GSTCD: variants seen among roughly 807,000 people sequenced by gnomAD.
GSTCD encodes the protein glutathione S-transferase C-terminal domain-containing protein.
In GSTCD, 44 loss-of-function variants were observed where a neutral mutation model predicts 68.3. The observed-to-expected ratio is 0.64, with a 90% CI of 0.51 to 0.83. The LOEUF (loss-of-function observed/expected upper bound fraction) is 0.83, where lower values mean the gene tolerates loss of function less well. Among genes scored for constraint, GSTCD ranks in the 40% least tolerant of loss-of-function variants. The pLI is 0.00. For missense variants in GSTCD, 739 were observed against 735.9 expected, an observed-to-expected ratio of 1.00 and a Z score of -0.05; for synonymous variants, 273 against 255.2, an observed-to-expected ratio of 1.07 and a Z score of -0.67.
chr4:105,822,929 G>C (rs553824300), intron 5 of GSTCD, 25 bp from the exon 6 acceptor site: 15 of 1,533,300 alleles, frequency 9.8e-6, no homozygotes, highest in Admixed American at 1.7e-5. Flanking sequence ...AATGTTTTGT[G>C]TTCTTCATTT....
At position 105,809,432 on chromosome 4, in the gene GSTCD, T is replaced by A. The variant is rs985258997; in HGVS notation, c.1241-13522T>A. Among the ~76,000 whole-genome samples the A allele has an allele frequency of 3.9e-5, 6 of 152,234 alleles. No individual in the cohort carries two copies. The East Asian group carries it at 1.2e-3, about 29-fold the overall frequency. On this transcript the variant is annotated intron_variant, in intron 5 of 11. Coordinates refer to ENST00000515279, the MANE Select transcript of GSTCD (RefSeq NM_001370181.1). ...CTTCCCCTAGATAATCCATACACCTTACTCTCTCACTTTATTCAGATCTCA... is the reference window on the plus strand; with the variant it reads ...CTTCCCCTAGATAATCCATACACCTAACTCTCTCACTTTATTCAGATCTCA...
chr4:105,730,870 T>C (rs549107048), intron 5 of GSTCD, among the ~76,000 whole-genome samples: 92 of 152,286 alleles, frequency 6.0e-4, no homozygotes, highest in African/African-American at 2.1e-3. Flanking sequence ...GTTTTTATGG[T>C]TTTAGGTCTA....
chr4:105,824,887 G>A (rs895754575), intron 7 of GSTCD, among the ~76,000 whole-genome samples: 2 of 151,972 alleles, frequency 1.3e-5, no homozygotes, highest in Admixed American at 6.6e-5. Flanking sequence ...GGGCCTTCAT[G>A]TGTTTCTCTC....
At chr4:105,785,082 T>G (rs1400203405) in intron 5 of GSTCD, among the ~76,000 whole-genome samples, 1 of 152,218 alleles carries the variant, frequency 6.6e-6, no homozygotes, top group African/African-American at 2.4e-5. Context: ...TTGTGTGTAA[T>G]CAGATCAAAC....
At chr4:105,828,831 A>T (rs965868139) in intron 8 of GSTCD, among the ~76,000 whole-genome samples, 4 of 152,184 alleles carry the variant, frequency 2.6e-5, no homozygotes, top group Non-Finnish European at 4.4e-5. Context: ...GTGTTTAATT[A>T]AAAATATTAT....
intron 5 of GSTCD, among the ~76,000 whole-genome samples, chr4:105,810,212 A>C (rs1382799415): frequency 2.0e-5 from 3 of 152,130 alleles, no homozygotes; most frequent in Non-Finnish European, 4.4e-5. Context: ...CTAATGCAAA[A>C]TTTTAACTCA....
intron 5 of GSTCD, among the ~76,000 whole-genome samples, chr4:105,740,560 G>A (rs933988345): frequency 2.0e-5 from 3 of 152,098 alleles, no homozygotes; most frequent in African/African-American, 4.8e-5. Flanking sequence ...TGGTGGGGGC[G>A]TGGGATGCTT....
At chr4:105,824,870 T>C (rs1303635973) in intron 7 of GSTCD, among the ~76,000 whole-genome samples, 1 of 152,102 alleles carries the variant, frequency 6.6e-6, no homozygotes, top group Admixed American at 6.6e-5. Context: ...ATATTCTTTC[T>C]CATCTTGGGC....
chr4:105,844,210 A>G (rs933017689), intron 11 of GSTCD, among the ~76,000 whole-genome samples: 1 of 152,192 alleles, frequency 6.6e-6, no homozygotes, highest in African/African-American at 2.4e-5. Context: ...GTTTCATTTT[A>G]AGCTAAAAAG....
chr4:105,833,794 C>A (rs1046512357), intron 8 of GSTCD, among the ~76,000 whole-genome samples: 3 of 152,058 alleles, frequency 2.0e-5, no homozygotes, highest in East Asian at 3.9e-4. Context: ...ACTTAAAAAT[C>A]GTTTTGAGTT....
At chr4:105,786,889 G>A (rs995034669) in intron 5 of GSTCD, among the ~76,000 whole-genome samples, 2 of 152,036 alleles carry the variant, frequency 1.3e-5, no homozygotes, top group African/African-American at 4.8e-5. Context: ...ATATACTGCC[G>A]TTAGGAATGT....
At chr4:105,765,018 AT>A (rs1578450878) in intron 5 of GSTCD, among the ~76,000 whole-genome samples, 2 of 152,092 alleles carry the variant, frequency 1.3e-5, no homozygotes, top group African/African-American at 4.8e-5. Flanking sequence ...ATAGATATAG[AT>A]TTTTCATTAC....
chr4:105,714,080 A>G (rs1299720460), intron 1 of GSTCD, among the ~76,000 whole-genome samples: 1 of 151,938 alleles, frequency 6.6e-6, no homozygotes, highest in Admixed American at 6.6e-5. Context: ...TAATTCCACC[A>G]TTTAAAAATA....
At chr4:105,803,529 A>C (rs192524281) in intron 5 of GSTCD, among the ~76,000 whole-genome samples, 5 of 152,222 alleles carry the variant, frequency 3.3e-5, no homozygotes, top group Non-Finnish European at 7.4e-5. Flanking sequence ...AATTATGTTC[A>C]AGTTTTTTAA....
chr4:105,805,255 G>A (rs1030402850), intron 5 of GSTCD, among the ~76,000 whole-genome samples: 7 of 151,998 alleles, frequency 4.6e-5, no homozygotes, highest in Non-Finnish European at 8.8e-5. Context: ...GAAGCTTTAT[G>A]TATTTCTCCA....
At chr4:105,760,459 T>C (rs991990452) in intron 5 of GSTCD, among the ~76,000 whole-genome samples, 2 of 152,202 alleles carry the variant, frequency 1.3e-5, no homozygotes, top group African/African-American at 4.8e-5. Context: ...TCTTACCAGC[T>C]AGATTTTACC....
intron 3 of GSTCD, among the ~76,000 whole-genome samples, chr4:105,721,494 G>C (rs1732856814): frequency 6.6e-6 from 1 of 152,080 alleles, no homozygotes; most frequent in Non-Finnish European, 1.5e-5. Flanking sequence ...CAGGAATAAA[G>C]TCAAGGACAT....
intron 5 of GSTCD, among the ~76,000 whole-genome samples, chr4:105,749,764 G>A (rs1733943407): frequency 1.3e-5 from 2 of 152,194 alleles, no homozygotes; most frequent in Admixed American, 1.3e-4. Flanking sequence ...TAGGCAATGT[G>A]TTCTTATATG....
intron 8 of GSTCD, among the ~76,000 whole-genome samples, chr4:105,831,830 G>A (rs942417742): frequency 2.6e-5 from 4 of 152,122 alleles, no homozygotes; most frequent in African/African-American, 9.7e-5. Flanking sequence ...CAGCTACTTG[G>A]GAGGCTGAGG....
Sources: gnomAD v4.1 joint callset for allele counts (sites outside exome capture counted in the v4.1 genomes callset) on GRCh38, gnomAD v4.1.1 for gene constraint, MANE v1.5 for transcripts, NCBI Gene and HGNC (gene_info 2026-07-23, HGNC 2026-07-21) for gene names.